The following SH3PXD2B variants were observed in gnomAD, a reference collection of about 807,000 sequenced individuals.
SH3PXD2B encodes SH3 and PX domains 2B, also known as SH3 and PX domain-containing protein 2B.
A neutral mutation model predicts 73.1 loss-of-function variants in SH3PXD2B; 37 were observed. That is an observed-to-expected ratio of 0.51 (90% CI 0.39 to 0.67). The LOEUF is 0.67. SH3PXD2B is among the 30% of genes least tolerant of loss of function. SH3PXD2B has a pLI of 0.00. For missense variants in SH3PXD2B, 1,053 were observed against 1,197.8 expected (o/e 0.88, Z 1.78); for synonymous variants, 457 against 480.5 (o/e 0.95, Z 0.64).
At chr5:172,382,292 G>A (rs903857514) in intron 4 of SH3PXD2B, among the ~76,000 whole-genome samples, 165 bp from the exon 5 acceptor site, 1 of 152,104 alleles carries the variant, frequency 6.6e-6, no homozygotes, top group African/African-American at 2.4e-5. Flanking sequence ...CTCCAGACTG[G>A]GTGACAGAGC....
chr5:172,345,677 CA>C (rs1756977522), intron 12 of SH3PXD2B, among the ~76,000 whole-genome samples: 2 of 152,082 alleles, frequency 1.3e-5, no homozygotes, highest in Admixed American at 1.3e-4. Flanking sequence ...ACAAAGTAGA[CA>C]AACAGAGAGA....
In SH3PXD2B at chr5:172,353,950, GT is replaced by G; in HGVS notation, c.722del (p.Asn241ThrfsTer35). ...PYTARDQDEM[N>X]LERGAVVEVI... ...CCTCCACCACAGCCCCTCTCTCCAG[GT>G]TCATTTCATCCTGGTCCCGAGCTGT... On this transcript the variant is annotated frameshift_variant, in exon 9 of 13. Transcript: ENST00000311601. LOFTEE classifies it high-confidence loss of function. This position sits in a 1 kb window ranked among gnomAD's most constrained non-coding sequence, Gnocchi z 4.3. 6.2e-7 allele frequency: 1 copy of G among 1,614,066 alleles called. No homozygotes were observed. Among genetic ancestry groups the G allele is most frequent in the East Asian group, 2.2e-5 (1 of 44,868 alleles).
rs1554141199 is a variant in SH3PXD2B at position 172,423,549 on chromosome 5, G to GGC, written c.76-1054_76-1053insGC. On this transcript the variant is annotated intron_variant, in intron 1 of 12. Coordinates refer to ENST00000311601, the MANE Select transcript of SH3PXD2B (RefSeq NM_001017995.3). ...TCACCCACTTGGATACGGGGTTGGGGGGGGGGGCGCACATTCTCTGTTCAT... is the reference window on the plus strand; with the variant it reads ...TCACCCACTTGGATACGGGGTTGGGGGCGGGGGGGCGCACATTCTCTGTTCAT... Among the ~76,000 whole-genome samples, 148 of 142,980 alleles carry GGC rather than the reference G, an allele frequency of 1.0e-3. 3 individuals are homozygous for GGC. The highest frequency in any genetic ancestry group is 7.1e-3 in the Middle Eastern group (2 of 280). 93.8% of individuals were successfully genotyped at this position (142,980 alleles called of 152,430 possible). A position where few individuals can be genotyped will look rare whatever the true frequency, so the allele number is the denominator to read the frequency against.
In SH3PXD2B at chr5:172,350,482, A is replaced by C. The variant is rs771735428; in HGVS notation, c.893T>G (p.Leu298Arg). The C allele has an allele frequency of 5.6e-6, 9 of 1,613,798 alleles. No individual in the cohort carries two copies. The East Asian group carries it at 2.0e-4, about 36-fold the overall frequency. The change falls in exon 10 of 13, where the codon CTT (leucine) becomes CGT (arginine). Residue 298 changes from leucine to arginine, a missense_variant. This residue lies in a region of SH3PXD2B where 466 missense variants were observed against 607.1 expected (regional missense o/e 0.77). Transcript: ENST00000311601. ...CTGCCGGGAAACACCATCCAAGTCA[A>C]GGGCACCCGGGTGGGAGGGTGAGCC... ...GPGSPSHPGALDLDGVSRQQN... is the reference protein window; with the variant it reads ...GPGSPSHPGARDLDGVSRQQN...
intron 2 of SH3PXD2B, among the ~76,000 whole-genome samples, chr5:172,409,513 T>C (rs1359396784): frequency 1.3e-5 from 2 of 152,198 alleles, no homozygotes; most frequent in Non-Finnish European, 2.9e-5. Context: ...CCTCTAGTTA[T>C]CCTCTGTGCT....
intron 1 of SH3PXD2B, among the ~76,000 whole-genome samples, chr5:172,439,839 ACG>A (rs1759511342): frequency 1.3e-4 from 5 of 39,538 alleles, no homozygotes; most frequent in South Asian, 7.7e-4. Context: ...ACTCTTGCCG[ACG>A]ACTGAGACAC....
intron 12 of SH3PXD2B, among the ~76,000 whole-genome samples, chr5:172,343,129 C>T (rs1031396037): frequency 9.2e-5 from 14 of 152,216 alleles, no homozygotes; most frequent in South Asian, 8.3e-4. Context: ...ACTGAGCCAG[C>T]GGGATGCACT....
chr5:172,368,849 T>C (rs1465179297), intron 6 of SH3PXD2B, among the ~76,000 whole-genome samples: 6 of 132,072 alleles, frequency 4.5e-5, no homozygotes, highest in Non-Finnish European at 1.6e-5. Context: ...ATACATAATA[T>C]ATAGTATATA....
At chr5:172,384,973 C>A (rs1298575129) in intron 4 of SH3PXD2B, among the ~76,000 whole-genome samples, 2 of 152,206 alleles carry the variant, frequency 1.3e-5, no homozygotes, top group Non-Finnish European at 2.9e-5. Flanking sequence ...CTTTAAGTAG[C>A]TCCTGCTCTG....
chr5:172,379,341 C>T (rs1443621426), intron 5 of SH3PXD2B, among the ~76,000 whole-genome samples: 1 of 147,730 alleles, frequency 6.8e-6, no homozygotes, highest in African/African-American at 2.5e-5. Flanking sequence ...AAAGAAGAGA[C>T]ATAAGAGAGC....
intron 2 of SH3PXD2B, among the ~76,000 whole-genome samples, chr5:172,420,736 C>T (rs1581326128): frequency 6.6e-6 from 1 of 152,148 alleles, no homozygotes; most frequent in East Asian, 1.9e-4. Flanking sequence ...TGATTGGCGT[C>T]GAGTTGAGCC....
At chr5:172,378,078 C>A (rs2113363109) in intron 5 of SH3PXD2B, among the ~76,000 whole-genome samples, 1 of 152,284 alleles carries the variant, frequency 6.6e-6, no homozygotes, top group South Asian at 2.1e-4. Flanking sequence ...TACCACAAAG[C>A]CACCATGCAG....
At chr5:172,399,428 T>C (rs1251227181) in intron 3 of SH3PXD2B, among the ~76,000 whole-genome samples, 3 of 152,174 alleles carry the variant, frequency 2.0e-5, no homozygotes, top group Non-Finnish European at 4.4e-5. Context: ...AAATATTGTC[T>C]CTTATTCTAC....
chr5:172,446,841 G>C (rs1759674227), intron 1 of SH3PXD2B, among the ~76,000 whole-genome samples: 1 of 152,242 alleles, frequency 6.6e-6, no homozygotes, highest in Non-Finnish European at 1.5e-5. Context: ...TGGACTTGCT[G>C]AGCAAGGAAC....
At chr5:172,368,429 T>C (rs1581279495) in intron 6 of SH3PXD2B, among the ~76,000 whole-genome samples, 1 of 122,374 alleles carries the variant, frequency 8.2e-6, no homozygotes, top group African/African-American at 3.0e-5. Flanking sequence ...TGATATGTTT[T>C]GGTGCAAGGG....
chr5:172,446,147 C>T (rs1266775834), intron 1 of SH3PXD2B, among the ~76,000 whole-genome samples: 6 of 152,178 alleles, frequency 3.9e-5, no homozygotes, highest in African/African-American at 1.4e-4. Flanking sequence ...GGCTTCTGGG[C>T]ATTACCCAGG....
intron 11 of SH3PXD2B, 33 bp downstream of exon 11, chr5:172,347,250 G>A (rs377633270): frequency 6.9e-5 from 111 of 1,613,098 alleles, no homozygotes; most frequent in Non-Finnish European, 8.4e-5. Context: ...CCTCAAGTCA[G>A]TGGCCACTCC....
Position 172,337,114 on chromosome 5 carries a change from T to G in SH3PXD2B, c.*1255A>C. ...GCTTAGAAGAGGGAACAGGGCTCTGTGTCAACCACCAGGACCCTGGCATTC... is the reference window on the plus strand; with the variant it reads ...GCTTAGAAGAGGGAACAGGGCTCTGGGTCAACCACCAGGACCCTGGCATTC... On this transcript the variant is annotated 3_prime_UTR_variant, in exon 13 of 13. Coordinates refer to ENST00000311601, the MANE Select transcript of SH3PXD2B (RefSeq NM_001017995.3). The G allele has an allele frequency of 1.0e-6, 1 of 985,468 alleles. No individual in the cohort carries two copies. The highest frequency in any genetic ancestry group is 1.2e-6 in the Non-Finnish European group (1 of 830,014). 61.0% of individuals were successfully genotyped at this position (985,468 alleles called of 1,614,324 possible). A position where few individuals can be genotyped will look rare whatever the true frequency, so the allele number is the denominator to read the frequency against.
chr5:172,348,588 A>AG lies in SH3PXD2B; in HGVS notation c.1013-1257dup, dbSNP rs1258612360. On this transcript the variant is annotated intron_variant, in intron 10 of 12. Coordinates refer to ENST00000311601, the MANE Select transcript of SH3PXD2B (RefSeq NM_001017995.3). ...GTATATGTGTATATTCAGTGGTGGTAGGGGGGTGTCTTTGTTTTAGCATCT... is the reference window on the plus strand; with the variant it reads ...GTATATGTGTATATTCAGTGGTGGTAGGGGGGGTGTCTTTGTTTTAGCATCT... 2.7e-5 allele frequency among the ~76,000 whole-genome samples: 4 copies of AG among 148,526 alleles called. No individual in the cohort carries two copies. In the South Asian group the frequency reaches 8.7e-4, roughly 32 times the overall value.
Sources: allele counts gnomAD v4.1 joint callset (sites outside exome capture counted in the v4.1 genomes callset), GRCh38; gene constraint gnomAD v4.1.1; regional missense constraint gnomAD v4.1.1; non-coding constraint Gnocchi (gnomAD v3.1); transcripts MANE v1.5; gene names NCBI Gene and HGNC (gene_info 2026-07-23, HGNC 2026-07-21).